The following FLNB variants were observed in gnomAD, a reference collection of about 807,000 sequenced individuals.
FLNB encodes the protein filamin B.
FLNB carries 111 observed loss-of-function variants against 250.6 expected under a neutral mutation model. That is an observed-to-expected ratio of 0.44 (90% CI 0.38 to 0.52). FLNB has a LOEUF of 0.52. Among genes scored for constraint, FLNB ranks in the 20% least tolerant of loss-of-function variants. FLNB has a pLI of 0.00. For synonymous variants in FLNB, 1,302 were observed against 1,372.1 expected, an observed-to-expected ratio of 0.95 and a Z score of 1.13; for missense variants, 2,869 against 3,447.8, an observed-to-expected ratio of 0.83 and a Z score of 4.20.
At chr3:58,100,925 G>T (rs1264189898) in intron 8 of FLNB, among the ~76,000 whole-genome samples, 1 of 151,964 alleles carries the variant, frequency 6.6e-6, no homozygotes, top group Non-Finnish European at 1.5e-5. Flanking sequence ...TGTAGAGGTG[G>T]GGTCTCACTC....
chr3:58,111,916 C>A, intron 17 of FLNB, 35 bp downstream of exon 17: 1 of 1,556,096 alleles, frequency 6.4e-7, no homozygotes, highest in South Asian at 1.1e-5. Flanking sequence ...CTGGGCCCCT[C>A]TGCCAGCCGG....
rs2097366343 is a variant in FLNB at position 58,164,037 on chromosome 3, TTGTC to T, written c.7198+713_7198+716del. 2 of 152,370 alleles carry T rather than the reference TTGTC, an allele frequency of 1.3e-5. No individual in the cohort carries two copies. The highest frequency in any genetic ancestry group is 4.8e-5 in the African/African-American group (2 of 41,462). The allele number at this position is 152,370 out of a possible 1,614,324, so 9.4% of individuals were successfully genotyped here. ...GACCTTCACCCTGTCTGTCATCTCA[TTGTC>T]TGTCTTCATTCTTGGTTGCTGGGTT... is the stretch of plus-strand genomic sequence containing the variant. On this transcript the variant is annotated intron_variant, in intron 43 of 45. Transcript: ENST00000295956. The surrounding 1 kb of genome is among the most constrained non-coding windows in gnomAD (Gnocchi z 4.0).
In FLNB at chr3:58,156,050, G is replaced by A. The variant is rs775239285; in HGVS notation, c.6863G>A (p.Arg2288His). Residue 2288 changes from arginine to histidine, a missense_variant, in exon 41 of 46, where the codon CGC (arginine) becomes CAC (histidine). Transcript: ENST00000295956. ...GTCATCGCACCCTCCGACGACGCCC[G>A]CCGCCTCACTGTTATGAGCCTTCAG... ...VPVIAPSDDA[R>H]RLTVMSLQES... 18 of 1,613,764 alleles carry A rather than the reference G, an allele frequency of 1.1e-5. No homozygotes were observed. The highest frequency in any genetic ancestry group is 1.3e-5 in the African/African-American group (1 of 74,930).
At chr3:58,078,684 A>G (rs775839237) in intron 2 of FLNB, 33 bp from the exon 3 acceptor site, 1 of 1,590,652 alleles carries the variant, frequency 6.3e-7, no homozygotes, top group South Asian at 1.1e-5. Flanking sequence ...TGGTCAGCTA[A>G]TGCTAAAAGA....
At chr3:58,126,886 T>A in intron 24 of FLNB, 124 bp downstream of exon 24, 1 of 882,566 alleles carries the variant, frequency 1.1e-6, no homozygotes, top group Non-Finnish European at 1.8e-6. Context: ...AAAAGGAGAG[T>A]TTTTCTTAGG....
At position 58,089,424 on chromosome 3, in the gene FLNB, T is replaced by TAATC. The variant is rs1259612046; in HGVS notation, c.788-5411_788-5408dup. ...AGCCAGGTGAGGTGGTGGGCACCTG[T>TAATC]AATCCCAGCTACTCGGGAGGCTGAG... On this transcript the variant is annotated intron_variant, in intron 4 of 45. Transcript: ENST00000295956. 2.0e-5 allele frequency among the ~76,000 whole-genome samples: 3 copies of TAATC among 151,652 alleles called. No homozygotes were observed. The East Asian group carries it at 5.8e-4, about 30-fold the overall frequency.
At chr3:58,112,698 C>T (rs2097271091) in intron 18 of FLNB, among the ~76,000 whole-genome samples, 1 of 152,226 alleles carries the variant, frequency 6.6e-6, no homozygotes. Flanking sequence ...CGCGGCCTCA[C>T]CAGCTGCCTT....
chr3:58,090,764 C>G (rs7610839), intron 4 of FLNB, among the ~76,000 whole-genome samples: 67,558 of 151,866 alleles, frequency 0.44, 16,749 homozygotes, highest in East Asian at 0.92. Flanking sequence ...TGCAAGGCCT[C>G]GTTCACTATT....
chr3:58,011,383 G>T (rs973526590), intron 1 of FLNB, among the ~76,000 whole-genome samples: 9 of 152,040 alleles, frequency 5.9e-5, no homozygotes, highest in African/African-American at 2.2e-4. Flanking sequence ...ATGATTTCTT[G>T]GATCATATTC....
In FLNB at chr3:58,148,329, C is replaced by T. The variant is rs1375428178; in HGVS notation, c.5852C>T (p.Pro1951Leu). Residue 1951 changes from proline to leucine, a missense_variant, in exon 35 of 46, where the codon CCC (proline) becomes CTC (leucine). By Grantham distance (98) the Pro-to-Leu change is moderately conservative (BLOSUM62 -3). Transcript: ENST00000295956. ...SIKAPSGRDEPCLLKRLPNNH... is the reference protein window; with the variant it reads ...SIKAPSGRDELCLLKRLPNNH... ...AAGGCCCCATCTGGCCGAGACGAGC[C>T]CTGTCTCCTGAAGAGGCTGCCCAAC... 2 of 1,613,982 alleles carry T rather than the reference C, an allele frequency of 1.2e-6. No individual in the cohort carries two copies. Among genetic ancestry groups the T allele is most frequent in the Non-Finnish European group, 8.5e-7 (1 of 1,179,972 alleles).
intron 1 of FLNB, among the ~76,000 whole-genome samples, chr3:58,031,350 C>T (rs1371302730): frequency 1.3e-5 from 2 of 152,040 alleles, no homozygotes; most frequent in African/African-American, 4.8e-5. Context: ...TCGCGCCATT[C>T]TCCTGCCTCA....
In FLNB at chr3:58,142,678, G is replaced by A. The variant is rs779112351; in HGVS notation, c.5210G>A (p.Ser1737Asn). ...ACCGAAGAGGCCTATGTCCCAGTGAGTGACATGAACGGCCTGGGATTTAAG... is the reference window on the plus strand; with the variant it reads ...ACCGAAGAGGCCTATGTCCCAGTGAATGACATGAACGGCCTGGGATTTAAG... ...WVTEEAYVPVSDMNGLGFKPF... is the reference protein window; with the variant it reads ...WVTEEAYVPVNDMNGLGFKPF... Residue 1737 changes from serine (S) to asparagine (N), a missense_variant, in exon 31 of 46, where the codon AGT (serine) becomes AAT (asparagine). Physicochemically the swap from Ser to Asn is conservative, Grantham distance 46. This residue lies in a region of FLNB where 1,084 missense variants were observed against 1,315.5 expected (regional missense o/e 0.82). Transcript: ENST00000295956. This position sits in a 1 kb window ranked among gnomAD's most constrained non-coding sequence, Gnocchi z 4.3. 8.1e-6 allele frequency: 13 copies of A among 1,614,240 alleles called. No individual in the cohort carries two copies. Among genetic ancestry groups the A allele is most frequent in the Non-Finnish European group, 1.0e-5 (12 of 1,180,042 alleles).
intron 43 of FLNB, chr3:58,165,797 C>T (rs2097369310): frequency 6.6e-6 from 1 of 152,084 alleles, no homozygotes; most frequent in Non-Finnish European, 1.5e-5. Flanking sequence ...CCAGAAGGGC[C>T]TCCTTCCTTA....
chr3:58,084,539 A>G (rs2097214211), intron 4 of FLNB, among the ~76,000 whole-genome samples: 1 of 145,082 alleles, frequency 6.9e-6, no homozygotes, highest in African/African-American at 2.6e-5. Flanking sequence ...GCACTTGTAG[A>G]GGAAACACAC....
intron 1 of FLNB, among the ~76,000 whole-genome samples, chr3:58,064,037 G>A (rs936972978): frequency 6.6e-6 from 1 of 151,694 alleles, no homozygotes; most frequent in Admixed American, 6.6e-5. Context: ...TTATAATAAC[G>A]CCATTATCTC....
intron 1 of FLNB, among the ~76,000 whole-genome samples, chr3:58,033,253 T>C (rs1332746355): frequency 6.6e-6 from 1 of 152,228 alleles, no homozygotes; most frequent in Non-Finnish European, 1.5e-5. Flanking sequence ...GAAGTTTCCT[T>C]GTGCCTCTTT....
At chr3:58,061,898 C>G (rs2097179205) in intron 1 of FLNB, among the ~76,000 whole-genome samples, 1 of 151,968 alleles carries the variant, frequency 6.6e-6, no homozygotes. Context: ...TCAAGACCAG[C>G]CTGGCCAACA....
At chr3:58,137,021 G>C (rs2097317325) in intron 28 of FLNB, among the ~76,000 whole-genome samples, 1 of 152,000 alleles carries the variant, frequency 6.6e-6, no homozygotes, top group African/African-American at 2.4e-5. Flanking sequence ...CGCCTGGCCG[G>C]CCTTTCAGTT....
At chr3:58,058,298 G>A (rs9880585) in intron 1 of FLNB, among the ~76,000 whole-genome samples, 8,761 of 152,130 alleles carry the variant, frequency 0.058, 805 homozygotes, top group African/African-American at 0.2. Flanking sequence ...GGTTCTGAAG[G>A]TTTCCCCCTT....
Sources: gnomAD v4.1 joint callset for allele counts (sites outside exome capture counted in the v4.1 genomes callset) on GRCh38, gnomAD v4.1.1 for gene constraint, gnomAD v4.1.1 regional missense constraint, Gnocchi (gnomAD v3.1) non-coding constraint, MANE v1.5 for transcripts, NCBI Gene and HGNC (gene_info 2026-07-23, HGNC 2026-07-21) for gene names.